NAALADL2: variants seen among roughly 807,000 people sequenced by gnomAD.
NAALADL2 encodes inactive N-acetylated-alpha-linked acidic dipeptidase-like protein 2.
A neutral mutation model predicts 87.2 loss-of-function variants in NAALADL2; 76 were observed. The ratio of observed to expected loss-of-function variants is 0.87; its 90% CI spans 0.72 to 1.05. The LOEUF is 1.05. Among genes scored for constraint, NAALADL2 ranks in the 50% least tolerant of loss-of-function variants. The pLI is 0.00. For missense variants in NAALADL2, 1,089 were observed against 945.8 expected (o/e 1.15, Z -1.99); for synonymous variants, 354 against 331.0 (o/e 1.07, Z -0.75).
At chr3:174,797,787 T>C (rs1718318388) in intron 3 of NAALADL2, among the ~76,000 whole-genome samples, 1 of 152,306 alleles carries the variant, frequency 6.6e-6, no homozygotes, top group South Asian at 2.1e-4. Flanking sequence ...TCTGATAAGG[T>C]ATGTACAAAT....
intron 2 of NAALADL2, among the ~76,000 whole-genome samples, chr3:174,664,186 A>T (rs1725759528): frequency 6.6e-6 from 1 of 152,234 alleles, no homozygotes; most frequent in African/African-American, 2.4e-5. Context: ...CAAAATCAAA[A>T]ATAGTAGTTG....
chr3:174,735,391 T>C (rs776011597), intron 2 of NAALADL2, among the ~76,000 whole-genome samples: 1 of 152,204 alleles, frequency 6.6e-6, no homozygotes, highest in Non-Finnish European at 1.5e-5. Flanking sequence ...GTGAAGTAAT[T>C]GAGACTTAGA....
intron 1 of NAALADL2, among the ~76,000 whole-genome samples, chr3:175,040,584 G>A (rs1753951498): frequency 6.6e-6 from 1 of 152,114 alleles, no homozygotes; most frequent in South Asian, 2.1e-4. Flanking sequence ...ATCTGAATGT[G>A]AACTTTTCTG....
At chr3:175,180,392 A>G (rs956835798) in intron 2 of NAALADL2, among the ~76,000 whole-genome samples, 1 of 151,952 alleles carries the variant, frequency 6.6e-6, no homozygotes, top group African/African-American at 2.4e-5. Context: ...CCACCTTTAT[A>G]TTGTTCTACG....
intron 1 of NAALADL2, among the ~76,000 whole-genome samples, chr3:174,527,738 A>C (rs574792856): frequency 3.3e-5 from 5 of 152,206 alleles, no homozygotes; most frequent in African/African-American, 1.2e-4. Flanking sequence ...CAATATATTA[A>C]TAAAACATCC....
chr3:174,708,490 G>T (rs1730313969), intron 2 of NAALADL2, among the ~76,000 whole-genome samples: 1 of 152,150 alleles, frequency 6.6e-6, no homozygotes, highest in African/African-American at 2.4e-5. Context: ...AATCTGTAAA[G>T]CTGATCTTCT....
At chr3:174,799,674 A>C (rs556987870) in intron 3 of NAALADL2, among the ~76,000 whole-genome samples, 6 of 152,306 alleles carry the variant, frequency 3.9e-5, no homozygotes, top group Admixed American at 3.3e-4. Context: ...GGAGTGCCGC[A>C]GAAAAGATAC....
intron 5 of NAALADL2, among the ~76,000 whole-genome samples, chr3:175,396,293 AG>A (rs1238602291): frequency 6.6e-6 from 1 of 151,864 alleles, no homozygotes; most frequent in Non-Finnish European, 1.5e-5. Context: ...CAAGAGTAGG[AG>A]GCCATCTTTC....
chr3:175,718,195 GTTTTTTTTTTTT>G (rs1244400650), intron 11 of NAALADL2: 2 of 823,378 alleles, frequency 2.4e-6, no homozygotes, highest in Admixed American at 3.6e-5. Flanking sequence ...AGGGCCTGTG[GTTTTTTTTTTTT>G]TTTTTTTTTT....
chr3:175,057,733 A>G (rs1336792904), intron 1 of NAALADL2, among the ~76,000 whole-genome samples: 2 of 152,220 alleles, frequency 1.3e-5, no homozygotes, highest in East Asian at 3.8e-4. Flanking sequence ...TTATACTCAT[A>G]TGAGAAAAGG....
At chr3:175,428,957 G>T (rs771785132) in intron 5 of NAALADL2, among the ~76,000 whole-genome samples, 9 of 151,946 alleles carry the variant, frequency 5.9e-5, no homozygotes, top group Non-Finnish European at 1.2e-4. Context: ...TTGATTGCTT[G>T]TGGTTACATA....
chr3:174,787,602 T>TATATATATATATATATACAC (rs1716925307), intron 3 of NAALADL2, among the ~76,000 whole-genome samples: 3 of 73,368 alleles, frequency 4.1e-5, no homozygotes, highest in African/African-American at 1.3e-4. Context: ...TATATATATA[T>TATATATATATATATATACAC]ATATATATAT....
intron 5 of NAALADL2, among the ~76,000 whole-genome samples, chr3:175,425,462 C>A (rs927051335): frequency 6.6e-6 from 1 of 151,986 alleles, no homozygotes. Flanking sequence ...CATGAAAATA[C>A]AATATATTTC....
intron 3 of NAALADL2, among the ~76,000 whole-genome samples, chr3:174,759,251 T>C (rs1474304362): frequency 6.6e-6 from 1 of 152,188 alleles, no homozygotes; most frequent in East Asian, 1.9e-4. Context: ...TTATCTGGAG[T>C]GATTCAGATG....
chr3:175,741,652 G>C (rs1561068664), intron 12 of NAALADL2, among the ~76,000 whole-genome samples: 1 of 151,886 alleles, frequency 6.6e-6, no homozygotes, highest in Non-Finnish European at 1.5e-5. Context: ...GCAGAATTAA[G>C]AACCCAGAAG....
chr3:174,882,634 TACAC>T (rs1560318681), intron 1 of NAALADL2, among the ~76,000 whole-genome samples: 18 of 89,578 alleles, frequency 2.0e-4, no homozygotes, highest in South Asian at 1.5e-3. Flanking sequence ...TATGTGCATA[TACAC>T]ATATGTGCAT....
chr3:174,603,588 C>A (rs543405068), intron 2 of NAALADL2, among the ~76,000 whole-genome samples: 5 of 150,952 alleles, frequency 3.3e-5, no homozygotes, highest in Non-Finnish European at 5.9e-5. Context: ...TGTATTTTTT[C>A]CAATTTTATT....
At chr3:175,532,817 G>A (rs1353822589) in intron 9 of NAALADL2, among the ~76,000 whole-genome samples, 3 of 152,144 alleles carry the variant, frequency 2.0e-5, no homozygotes, top group African/African-American at 7.2e-5. Context: ...GATCTGACAT[G>A]CAGAGAAGAG....
chr3:174,816,410 G>GTA (rs1228145736), intron 3 of NAALADL2, among the ~76,000 whole-genome samples: 50 of 88,610 alleles, frequency 5.6e-4, no homozygotes, highest in Non-Finnish European at 7.8e-4. Context: ...GTGTATGTGT[G>GTA]TGCGTGTGTG....
Sources: gnomAD v4.1 joint callset for allele counts (sites outside exome capture counted in the v4.1 genomes callset) on GRCh38, gnomAD v4.1.1 for gene constraint, MANE v1.5 for transcripts, NCBI Gene and HGNC (gene_info 2026-07-23, HGNC 2026-07-21) for gene names.